Variants in RBFOX1 observed in about 807,000 individuals in gnomAD.
The protein encoded by RBFOX1 is RNA binding protein fox-1 homolog 1.
RBFOX1 carries 8 observed loss-of-function variants against 57.7 expected under a neutral mutation model. That is an observed-to-expected ratio of 0.14 (90% CI 0.08 to 0.25). The LOEUF (loss-of-function observed/expected upper bound fraction) is 0.25, where lower values mean the gene tolerates loss of function less well. Among genes scored for constraint, RBFOX1 ranks in the 10% least tolerant of loss-of-function variants. RBFOX1 has a pLI of 1.00. For synonymous variants in RBFOX1, 326 were observed against 222.4 expected, an observed-to-expected ratio of 1.47 and a Z score of -4.15; for missense variants, 611 against 548.5, an observed-to-expected ratio of 1.11 and a Z score of -1.14.
intron 4 of RBFOX1, among the ~76,000 whole-genome samples, chr16:7,220,153 C>T (rs904080938): frequency 2.0e-5 from 3 of 152,218 alleles, no homozygotes; most frequent in African/African-American, 7.2e-5. Context: ...CCCCTCCCCA[C>T]TCCCGACAAC....
In RBFOX1 at chr16:5,673,096, A is replaced by G. The variant is rs1435118658; in HGVS notation, c.318+74135A>G. ...GAAGTATGTCTAGCGGCATCTCTGCATCCTTTGGAAAAGCAGGGCACGCAT... is the reference window on the plus strand; with the variant it reads ...GAAGTATGTCTAGCGGCATCTCTGCGTCCTTTGGAAAAGCAGGGCACGCAT... On this transcript the variant is annotated intron_variant, in intron 3 of 19. Transcript: ENST00000641259. Among the ~76,000 whole-genome samples, 4 of 152,114 alleles carry G rather than the reference A, an allele frequency of 2.6e-5. No individual in the cohort carries two copies. The East Asian group carries it at 5.8e-4, about 22-fold the overall frequency.
chr16:6,394,263 G>C (rs941770401), intron 2 of RBFOX1, among the ~76,000 whole-genome samples: 2 of 152,130 alleles, frequency 1.3e-5, no homozygotes, highest in African/African-American at 4.8e-5. Flanking sequence ...AAAACAAAAG[G>C]GATAATGCTG....
At chr16:6,495,514 T>C (rs2095746531) in intron 2 of RBFOX1, among the ~76,000 whole-genome samples, 1 of 152,210 alleles carries the variant, frequency 6.6e-6, no homozygotes, top group South Asian at 2.1e-4. Context: ...TAATATTCAT[T>C]TAGAGTAAAC....
chr16:6,126,498 T>A (rs1021271433), intron 1 of RBFOX1, among the ~76,000 whole-genome samples: 1 of 152,204 alleles, frequency 6.6e-6, no homozygotes, highest in Admixed American at 6.5e-5. Context: ...ACAAAGATAG[T>A]TATGTAATAT....
chr16:6,940,549 A>G (rs555122627), intron 3 of RBFOX1, among the ~76,000 whole-genome samples: 3 of 152,268 alleles, frequency 2.0e-5, no homozygotes, highest in African/African-American at 7.2e-5. Context: ...AATCTAATTC[A>G]TCCTCTTGGA....
intron 4 of RBFOX1, among the ~76,000 whole-genome samples, chr16:7,238,527 T>C (rs2152956929): frequency 1.2e-5 from 1 of 80,632 alleles, no homozygotes; most frequent in Middle Eastern, 6.1e-3. Flanking sequence ...CTTTCCAACC[T>C]TGGGCTACAC....
chr16:5,314,442 C>T (rs916641920), intron 1 of RBFOX1, among the ~76,000 whole-genome samples: 8 of 152,192 alleles, frequency 5.3e-5, no homozygotes, highest in Non-Finnish European at 8.8e-5. Flanking sequence ...CAGGGCTGAC[C>T]GCTTCACTAG....
intron 4 of RBFOX1, among the ~76,000 whole-genome samples, chr16:5,993,792 C>T (rs2060446758): frequency 6.6e-6 from 1 of 152,104 alleles, no homozygotes; most frequent in African/African-American, 2.4e-5. Context: ...TTGAATATTG[C>T]CGCTCATATG....
At chr16:7,094,826 A>T (rs1463118252) in intron 4 of RBFOX1, among the ~76,000 whole-genome samples, 2 of 149,996 alleles carry the variant, frequency 1.3e-5, no homozygotes, top group African/African-American at 4.9e-5. Flanking sequence ...AGGGTAAGAG[A>T]ATTTTTCTGC....
intron 4 of RBFOX1, among the ~76,000 whole-genome samples, chr16:7,100,191 G>A (rs553696415): frequency 4.5e-4 from 68 of 152,086 alleles, no homozygotes; most frequent in African/African-American, 1.2e-3. Context: ...AAGGAATTTC[G>A]AAATTTGTGT....
intron 2 of RBFOX1, among the ~76,000 whole-genome samples, chr16:6,584,796 A>T (rs933940920): frequency 5.3e-5 from 8 of 152,072 alleles, no homozygotes; most frequent in Non-Finnish European, 1.0e-4. Context: ...TCACTGAAGG[A>T]TTGTGATTAA....
At chr16:5,435,481 C>T (rs1414796258) in intron 1 of RBFOX1, among the ~76,000 whole-genome samples, 1 of 152,158 alleles carries the variant, frequency 6.6e-6, no homozygotes, top group African/African-American at 2.4e-5. Context: ...AAAAACAGCC[C>T]ACTACGATCC....
intron 1 of RBFOX1, among the ~76,000 whole-genome samples, chr16:6,173,438 T>C (rs72774559): frequency 0.038 from 5,827 of 152,172 alleles, 155 homozygotes; most frequent in Admixed American, 0.078. Context: ...AAGGAAAATT[T>C]ACAAACACAC....
At chr16:5,400,774 C>T (rs1041251421) in intron 1 of RBFOX1, among the ~76,000 whole-genome samples, 1 of 152,062 alleles carries the variant, frequency 6.6e-6, no homozygotes, top group African/African-American at 2.4e-5. Context: ...TTCCCTGCCT[C>T]CCTTTTCTTC....
At chr16:6,370,574 A>G (rs1397480384) in intron 2 of RBFOX1, among the ~76,000 whole-genome samples, 1 of 152,134 alleles carries the variant, frequency 6.6e-6, no homozygotes, top group Admixed American at 6.5e-5. Flanking sequence ...TAAGTGAAAG[A>G]AACCAGTCGC....
intron 4 of RBFOX1, among the ~76,000 whole-genome samples, chr16:7,232,929 A>C (rs2093583783): frequency 6.6e-6 from 1 of 151,684 alleles, no homozygotes; most frequent in Non-Finnish European, 1.5e-5. Flanking sequence ...AAACCCTGTC[A>C]AATTTGTATT....
intron 4 of RBFOX1, among the ~76,000 whole-genome samples, chr16:7,176,172 C>G (rs1307218855): frequency 6.6e-6 from 1 of 150,984 alleles, no homozygotes; most frequent in East Asian, 1.9e-4. Context: ...TGGACAGGCT[C>G]CTTAACTGTG....
chr16:5,693,314 T>C lies in RBFOX1; in HGVS notation c.318+94353T>C, dbSNP rs113833583. Among the ~76,000 whole-genome samples, 648 of 151,560 alleles carry C rather than the reference T, an allele frequency of 4.3e-3. 1 individual carries two copies. Among genetic ancestry groups the C allele is most frequent in the African/African-American group, 0.015 (612 of 41,260 alleles). ...TGTAGACCTTTGCATTAAAATAAAATGATTTTTAGTTTACAAATAGTATGA... is the reference window on the plus strand; with the variant it reads ...TGTAGACCTTTGCATTAAAATAAAACGATTTTTAGTTTACAAATAGTATGA... On this transcript the variant is annotated intron_variant, in intron 3 of 19. Coordinates refer to the RBFOX1 transcript ENST00000641259.
chr16:6,519,713 A>G (rs77954660), intron 2 of RBFOX1, among the ~76,000 whole-genome samples: 4,875 of 152,238 alleles, frequency 0.032, 272 homozygotes, highest in African/African-American at 0.11. Flanking sequence ...AAAAGATAAT[A>G]GAAGAAAACT....
Sources: allele counts gnomAD v4.1 joint callset (sites outside exome capture counted in the v4.1 genomes callset), GRCh38; gene constraint gnomAD v4.1.1; transcripts MANE v1.5; gene names NCBI Gene and HGNC (gene_info 2026-07-23, HGNC 2026-07-21).